The following DOCK3 variants were observed in gnomAD, a reference collection of about 807,000 sequenced individuals.
DOCK3 encodes dedicator of cytokinesis protein 3.
A neutral mutation model predicts 265.6 loss-of-function variants in DOCK3; 60 were observed. That is an observed-to-expected ratio of 0.23 (90% CI 0.18 to 0.28). The LOEUF (loss-of-function observed/expected upper bound fraction) is 0.28, where lower values mean the gene tolerates loss of function less well. Among genes scored for constraint, DOCK3 ranks in the 10% least tolerant of loss-of-function variants. The pLI is 1.00. For missense variants in DOCK3, 1,981 were observed against 2,594.3 expected (o/e 0.76, Z 5.14); for synonymous variants, 881 against 938.0 (o/e 0.94, Z 1.11).
At chr3:51,268,642 G>C (rs959611135) in intron 23 of DOCK3, among the ~76,000 whole-genome samples, 1 of 151,818 alleles carries the variant, frequency 6.6e-6, no homozygotes, top group South Asian at 2.1e-4. Context: ...TTTGTTTTCC[G>C]CTTGCCTCTG....
At chr3:51,285,958 G>T (rs2109065259) in intron 27 of DOCK3, among the ~76,000 whole-genome samples, 1 of 152,200 alleles carries the variant, frequency 6.6e-6, no homozygotes, top group Non-Finnish European at 1.5e-5. Flanking sequence ...GTTTAGTCTG[G>T]AAGTTCTAGC....
At chr3:51,372,269 C>T (rs935327553) in intron 49 of DOCK3, among the ~76,000 whole-genome samples, 3 of 152,240 alleles carry the variant, frequency 2.0e-5, no homozygotes, top group African/African-American at 7.2e-5. Context: ...CCCATGAACA[C>T]AGAAACCCTT....
At position 51,374,674 on chromosome 3, in the gene DOCK3, G is replaced by A; in HGVS notation, c.5412+87G>A. On this transcript the variant is annotated intron_variant, in intron 50 of 52. Transcript: ENST00000266037. This position sits in a 1 kb window ranked among gnomAD's most constrained non-coding sequence, Gnocchi z 4.8. ...TTGCATTTGCGGGGCCTTCTGCATT[G>A]TCCTACATGGCTCTCTCATTCCGCT... 1 of 1,245,018 alleles carries A rather than the reference G, an allele frequency of 8.0e-7. No homozygotes were observed. Among genetic ancestry groups the A allele is most frequent in the Non-Finnish European group, 1.1e-6 (1 of 874,078 alleles). 77.1% of individuals were successfully genotyped at this position (1,245,018 alleles called of 1,614,324 possible).
At chr3:50,792,945 C>T (rs184069469) in intron 2 of DOCK3, among the ~76,000 whole-genome samples, 1 of 152,186 alleles carries the variant, frequency 6.6e-6, no homozygotes, top group East Asian at 1.9e-4. Flanking sequence ...GGAGAAGTCC[C>T]TCCTCCTTAG....
At chr3:51,217,394 T>C (rs920546323) in intron 14 of DOCK3, among the ~76,000 whole-genome samples, 2 of 152,220 alleles carry the variant, frequency 1.3e-5, no homozygotes, top group Non-Finnish European at 2.9e-5. Context: ...AGCCATTCAG[T>C]TCTGCTCATG....
At chr3:51,173,775 A>G (rs570477901) in intron 12 of DOCK3, among the ~76,000 whole-genome samples, 1 of 152,310 alleles carries the variant, frequency 6.6e-6, no homozygotes, top group East Asian at 1.9e-4. Flanking sequence ...ACACTTTGAC[A>G]AGATCATATT....
In DOCK3 at chr3:51,162,689, A is replaced by G. The variant is rs1352428789; in HGVS notation, c.1037+1987A>G. 2.0e-5 allele frequency among the ~76,000 whole-genome samples: 3 copies of G among 152,142 alleles called. No individual in the cohort carries two copies. In the East Asian group the frequency reaches 5.8e-4, roughly 29 times the overall value. The stretch of plus-strand genomic sequence containing the variant: ...GTTTTGGTGCAAATTTTCATTACAG[A>G]TAGGAGCTTGCACAGCATTCCTCCT... On this transcript the variant is annotated intron_variant, in intron 12 of 52. Transcript: ENST00000266037.
At chr3:50,992,023 A>G (rs2078124268) in intron 5 of DOCK3, among the ~76,000 whole-genome samples, 2 of 152,326 alleles carry the variant, frequency 1.3e-5, no homozygotes, top group South Asian at 4.1e-4. Flanking sequence ...AGGTGAATAT[A>G]AGGTAGTTTT....
intron 5 of DOCK3, among the ~76,000 whole-genome samples, chr3:50,973,549 T>C (rs1252963926): frequency 6.2e-5 from 9 of 146,168 alleles, no homozygotes; most frequent in Admixed American, 2.1e-4. Flanking sequence ...TGTTGGACAT[T>C]TGGGTTGGTT....
chr3:51,358,225 C>G, intron 46 of DOCK3, 148 bp downstream of exon 46: 1 of 712,506 alleles, frequency 1.4e-6, no homozygotes, highest in East Asian at 2.7e-5. Context: ...TACAGAGGGA[C>G]AGGGGGCAAG....
At position 51,381,440 on chromosome 3, in the gene DOCK3, C is replaced by T; in HGVS notation, c.5974C>T (p.Leu1992=). The T allele has an allele frequency of 6.2e-7, 1 of 1,609,272 alleles. No individual in the cohort carries two copies. The highest frequency in any genetic ancestry group is 8.5e-7 in the Non-Finnish European group (1 of 1,178,372). The stretch of plus-strand genomic sequence containing the variant: ...GGCCCTGGAGCACGATGAGGGGGTG[C>T]TGCTGCGTGAAGAGACTGAGAGGCC... ...LPALEHDEGV[L]LREETERPRG... is the part of the protein sequence containing the mutation. Residue 1992 remains leucine (L), a synonymous_variant, in exon 53 of 53, where the codon CTG becomes TTG. Coordinates refer to ENST00000266037, the MANE Select transcript of DOCK3 (RefSeq NM_004947.5). This position sits in a 1 kb window ranked among gnomAD's most constrained non-coding sequence, Gnocchi z 5.6.
intron 7 of DOCK3, among the ~76,000 whole-genome samples, chr3:51,088,276 G>A (rs1475293026): frequency 6.6e-6 from 1 of 152,170 alleles, no homozygotes; most frequent in East Asian, 1.9e-4. Flanking sequence ...ATCGTGGGGT[G>A]GTGGGGTTGA....
At chr3:50,705,497 C>T (rs1313188592) in intron 1 of DOCK3, among the ~76,000 whole-genome samples, 2 of 152,088 alleles carry the variant, frequency 1.3e-5, no homozygotes, top group Non-Finnish European at 2.9e-5. Context: ...CTCACTGCAA[C>T]CTCCGCCTGC....
chr3:50,806,826 T>G (rs2043448770), intron 2 of DOCK3, among the ~76,000 whole-genome samples: 1 of 152,060 alleles, frequency 6.6e-6, no homozygotes, highest in Non-Finnish European at 1.5e-5. Context: ...CTGCAATAGC[T>G]TGGCTCACAA....
chr3:51,137,851 G>T (rs1309802535), intron 9 of DOCK3, among the ~76,000 whole-genome samples: 1 of 152,178 alleles, frequency 6.6e-6, no homozygotes, highest in Non-Finnish European at 1.5e-5. Flanking sequence ...TAGTAACTTA[G>T]AAAGATGGTT....
chr3:51,002,112 A>ATT, intron 5 of DOCK3, among the ~76,000 whole-genome samples: 1 of 146,622 alleles, frequency 6.8e-6, no homozygotes, highest in East Asian at 2.0e-4. Flanking sequence ...TGCCCTGCTA[A>ATT]TTTTTTTTTT....
chr3:50,786,403 G>C (rs549383544), intron 2 of DOCK3, among the ~76,000 whole-genome samples: 143 of 152,296 alleles, frequency 9.4e-4, no homozygotes, highest in African/African-American at 3.3e-3. Context: ...TCGTCTTCTT[G>C]TTTATTTCCT....
chr3:51,199,411 T>G (rs1221356512), intron 12 of DOCK3, among the ~76,000 whole-genome samples: 3 of 152,196 alleles, frequency 2.0e-5, no homozygotes, highest in Non-Finnish European at 4.4e-5. Flanking sequence ...CGGAGGGTCC[T>G]ACACCCACGG....
intron 5 of DOCK3, among the ~76,000 whole-genome samples, chr3:51,033,410 C>G (rs569042624): frequency 9.2e-5 from 14 of 152,284 alleles, no homozygotes; most frequent in African/African-American, 3.1e-4. Context: ...CTTTGACTGG[C>G]CCACTTCCAC....
Sources: gnomAD v4.1 joint callset for allele counts (sites outside exome capture counted in the v4.1 genomes callset) on GRCh38, gnomAD v4.1.1 for gene constraint, Gnocchi (gnomAD v3.1) non-coding constraint, MANE v1.5 for transcripts, NCBI Gene and HGNC (gene_info 2026-07-23, HGNC 2026-07-21) for gene names.